Variants in ADAMTS10 observed in about 807,000 individuals in gnomAD.
ADAMTS10 encodes the protein ADAM metallopeptidase with thrombospondin type 1 motif 10.
Under a neutral mutation model 135.9 loss-of-function variants are expected in ADAMTS10, and 48 were observed. That is an observed-to-expected ratio of 0.35 (90% CI 0.28 to 0.45). ADAMTS10 has a LOEUF of 0.45. Ranked by LOEUF, ADAMTS10 falls within the 20% of genes least tolerant of loss-of-function variation. The probability of loss-of-function intolerance (pLI) is 1.00; values close to 1 mark genes in which losing one functional copy is unlikely to be tolerated. For synonymous variants in ADAMTS10, 621 were observed against 647.5 expected, an observed-to-expected ratio of 0.96 and a Z score of 0.62; for missense variants, 1,131 against 1,565.2, an observed-to-expected ratio of 0.72 and a Z score of 4.68.
intron 6 of ADAMTS10, among the ~76,000 whole-genome samples, chr19:8,599,293 G>C (rs1555740941): frequency 6.6e-6 from 1 of 151,542 alleles, no homozygotes; most frequent in East Asian, 2.0e-4. Flanking sequence ...TGTGTGTACT[G>C]CTAACCTCAA....
chr19:8,592,110 G>A lies in ADAMTS10; in HGVS notation c.1588-7C>T, dbSNP rs11882422. 6 of 1,613,344 alleles carry A rather than the reference G, an allele frequency of 3.7e-6. No individual in the cohort carries two copies. Among genetic ancestry groups the A allele is most frequent in the Non-Finnish European group, 4.2e-6 (5 of 1,179,976 alleles). ...AGACCCGTTTGTAGCACCACTGGGT[G>A]GGGGGAGACAGGAAGGAGTGAGTCC... On this transcript the variant is annotated splice_region_variant and splice_polypyrimidine_tract_variant and intron_variant, in intron 13 of 25. Transcript: ENST00000597188.
In ADAMTS10 at chr19:8,593,032, C is replaced by A. The variant is rs2042562260; in HGVS notation, c.1480-162G>T. The A allele has an allele frequency of 7.3e-6, 5 of 685,286 alleles. No homozygotes were observed. In the Middle Eastern group the frequency reaches 1.1e-3, roughly 150 times the overall value. The allele number at this position is 685,286 out of a possible 1,614,324, so 42.5% of individuals were successfully genotyped here. On this transcript the variant is annotated intron_variant, in intron 12 of 25. Coordinates refer to ENST00000597188, the MANE Select transcript of ADAMTS10 (RefSeq NM_030957.4). ...CGGTGGGTCTTCGTGCATCCCCTTG[C>A]GGGGCATGGCCTGTGACTTATACTC... is the stretch of plus-strand genomic sequence containing the variant.
At chr19:8,591,772 A>AC in intron 15 of ADAMTS10, 28 bp downstream of exon 15, 1 of 1,608,484 alleles carries the variant, frequency 6.2e-7, no homozygotes, top group Non-Finnish European at 8.5e-7. Context: ...TCCTCCCCCC[A>AC]CCCCTCAAGG....
At chr19:8,600,636 C>T (rs1311796928) in intron 6 of ADAMTS10, among the ~76,000 whole-genome samples, 7 of 151,348 alleles carry the variant, frequency 4.6e-5, no homozygotes, top group African/African-American at 1.5e-4. Context: ...GTAGCTGGGA[C>T]TACAGGCGCC....
Position 8,597,148 on chromosome 19 carries a change from G to C in ADAMTS10, c.895-16C>G. 6.2e-7 allele frequency: 1 copy of C among 1,614,192 alleles called. No homozygotes were observed. The highest frequency in any genetic ancestry group is 8.5e-7 in the Non-Finnish European group (1 of 1,180,046). ...CCAGAGTGGGCTGGGGATGGACAGA[G>C]GGAAATGCATGGGCACCCACCACCC... On this transcript the variant is annotated splice_polypyrimidine_tract_variant and intron_variant, in intron 7 of 25. Coordinates refer to ENST00000597188, the MANE Select transcript of ADAMTS10 (RefSeq NM_030957.4).
intron 1 of ADAMTS10, among the ~76,000 whole-genome samples, chr19:8,609,173 CCT>C (rs2042753653): frequency 6.8e-6 from 1 of 146,724 alleles, no homozygotes; most frequent in Non-Finnish European, 1.5e-5. Context: ...TGTGTGTGAC[CCT>C]GTGTGTGATT....
At chr19:8,600,648 G>T (rs369207853) in intron 6 of ADAMTS10, among the ~76,000 whole-genome samples, 1 of 151,798 alleles carries the variant, frequency 6.6e-6, no homozygotes, top group Non-Finnish European at 1.5e-5. Context: ...ACAGGCGCCC[G>T]CCACCACACT....
At chr19:8,609,544 C>T (rs2042757979) in intron 1 of ADAMTS10, among the ~76,000 whole-genome samples, 1 of 152,240 alleles carries the variant, frequency 6.6e-6, no homozygotes, top group African/African-American at 2.4e-5. Flanking sequence ...CTGCCGGCCT[C>T]CTCCCGGCTG....
At chr19:8,584,189 A>T (rs2042392344) in intron 25 of ADAMTS10, among the ~76,000 whole-genome samples, 1 of 151,504 alleles carries the variant, frequency 6.6e-6, no homozygotes, top group Non-Finnish European at 1.5e-5. Flanking sequence ...TAAATAAAAA[A>T]ATAAAAAAAA....
In ADAMTS10 at chr19:8,589,986, A is replaced by G. The variant is rs115093676; in HGVS notation, c.1803T>C (p.Cys601=). ...CTCTGAAGTCCTGGGAGCCAGGGGGACAGTCCTGGGGGCAGGAGAGGAGAG... is the reference window on the plus strand; with the variant it reads ...CTCTGAAGTCCTGGGAGCCAGGGGGGCAGTCCTGGGGGCAGGAGAGGAGAG... ...RRHRSCNTDD[C]PPGSQDFREV... The change falls in exon 16 of 26, where the codon TGT becomes TGC. Residue 601 remains cysteine (C), a synonymous_variant. Transcript: ENST00000597188. The G allele has an allele frequency of 1.3e-3, 2,176 of 1,612,280 alleles. 31 individuals are homozygous for G. The African/African-American group carries it at 0.028, about 20-fold the overall frequency.
intron 4 of ADAMTS10, chr19:8,604,807 T>G: frequency 3.1e-6 from 2 of 635,756 alleles, no homozygotes; most frequent in Non-Finnish European, 5.4e-6. Context: ...GAGATTGATG[T>G]TTAGCTCATT....
chr19:8,591,915 AG>A, intron 14 of ADAMTS10, 42 bp downstream of exon 14: 1 of 1,611,710 alleles, frequency 6.2e-7, no homozygotes, highest in African/African-American at 1.3e-5. Flanking sequence ...CGATGGGGGC[AG>A]GGGTCGCGCT....
intron 16 of ADAMTS10, 30 bp downstream of exon 16, chr19:8,589,859 G>C (rs782528397): frequency 2.5e-6 from 4 of 1,598,828 alleles, no homozygotes; most frequent in East Asian, 2.2e-5. Flanking sequence ...GCCCTTCACG[G>C]CCCCACAGCC....
chr19:8,599,935 A>G (rs973689403), intron 6 of ADAMTS10, among the ~76,000 whole-genome samples: 1 of 151,712 alleles, frequency 6.6e-6, no homozygotes, highest in Non-Finnish European at 1.5e-5. Context: ...CCCTGGTTCA[A>G]GCGATTCTCC....
Position 8,584,730 on chromosome 19 carries a change from A to G in ADAMTS10, c.3202+165T>C, listed in dbSNP as rs531279954. Among the ~76,000 whole-genome samples the G allele has an allele frequency of 1.3e-4, 20 of 152,320 alleles. No homozygotes were observed. In the South Asian group the frequency reaches 2.7e-3, roughly 21 times the overall value. On this transcript the variant is annotated intron_variant, in intron 25 of 25. Transcript: ENST00000597188. ...AACACTCAGCATACAGTGGCACTTA[A>G]TAAATGCTTGCAGGGAGGGGATGGT...
Position 8,605,862 on chromosome 19 carries a change from C to A in ADAMTS10, c.-99-53G>T. 1 of 1,436,708 alleles carries A rather than the reference C, an allele frequency of 7.0e-7. No homozygotes were observed. The highest frequency in any genetic ancestry group is 1.4e-5 in the South Asian group (1 of 70,476). 89.0% of individuals were successfully genotyped at this position (1,436,708 alleles called of 1,614,324 possible). A position where few individuals can be genotyped will look rare whatever the true frequency, so the allele number is the denominator to read the frequency against. Reference sequence around the variant, plus strand: ...CGCCTGGTCCCGCTGTCCAGCACAACCAATGCCAAGGCCAATCATGGCCAA... The same window carrying A: ...CGCCTGGTCCCGCTGTCCAGCACAAACAATGCCAAGGCCAATCATGGCCAA... On this transcript the variant is annotated intron_variant, in intron 2 of 25. Transcript: ENST00000597188. This position sits in a 1 kb window ranked among gnomAD's most constrained non-coding sequence, Gnocchi z 7.7.
rs1448438375 is a variant in ADAMTS10, at chr19:8,580,814, CG to C, written c.*78del. On this transcript the variant is annotated 3_prime_UTR_variant, in exon 26 of 26. Transcript: ENST00000597188. ...CCTTCCCTCCCAGTTCCCGCCCCCC[CG>C]GGGCCCCCTCTGGCCGGCCCGCTGC... 5.8e-6 allele frequency: 7 copies of C among 1,204,050 alleles called. No homozygotes were observed. The highest frequency in any genetic ancestry group is 4.2e-5 in the Admixed American group (2 of 48,088). 74.6% of individuals were successfully genotyped at this position (1,204,050 alleles called of 1,614,324 possible).
At chr19:8,586,312 TA>T (rs782113320) in intron 21 of ADAMTS10, 31 bp downstream of exon 21, 2 of 1,613,350 alleles carry the variant, frequency 1.2e-6, no homozygotes, top group Middle Eastern at 3.3e-4. Flanking sequence ...TCAGCCCAGG[TA>T]TCTTGTGCCT....
intron 1 of ADAMTS10, among the ~76,000 whole-genome samples, chr19:8,609,810 G>T (rs1346552234): frequency 2.0e-5 from 3 of 151,738 alleles, no homozygotes; most frequent in Non-Finnish European, 4.4e-5. Flanking sequence ...CACACCCCGC[G>T]CAACCAGAGA....
Sources: gnomAD v4.1 joint callset for allele counts (sites outside exome capture counted in the v4.1 genomes callset) on GRCh38, gnomAD v4.1.1 for gene constraint, Gnocchi (gnomAD v3.1) non-coding constraint, MANE v1.5 for transcripts, NCBI Gene and HGNC (gene_info 2026-07-23, HGNC 2026-07-21) for gene names.